Variants in CNTNAP4 observed in about 807,000 individuals in gnomAD.
CNTNAP4 encodes contactin-associated protein-like 4.
A neutral mutation model predicts 148.4 loss-of-function variants in CNTNAP4; 98 were observed. The ratio of observed to expected loss-of-function variants is 0.66; its 90% CI spans 0.56 to 0.78. The LOEUF (loss-of-function observed/expected upper bound fraction) is 0.78. CNTNAP4 is among the 30% of genes least tolerant of loss of function. The probability of loss-of-function intolerance (pLI) is 0.00; values close to 1 mark genes in which losing one functional copy is unlikely to be tolerated. For synonymous variants in CNTNAP4, 730 were observed against 565.1 expected (o/e 1.29, Z -4.14); for missense variants, 1,935 against 1,565.6 (o/e 1.24, Z -3.98).
At chr16:76,310,165 A>G (rs887580181) in intron 1 of CNTNAP4, among the ~76,000 whole-genome samples, 1 of 152,078 alleles carries the variant, frequency 6.6e-6, no homozygotes. Flanking sequence ...CTCGTTGGGC[A>G]GGAAACAGAG....
chr16:76,338,900 GA>G lies in CNTNAP4; in HGVS notation c.197-16416del, dbSNP rs1964238885. 3.3e-5 allele frequency among the ~76,000 whole-genome samples: 5 copies of G among 152,204 alleles called. No individual in the cohort carries two copies. The South Asian group carries it at 1.0e-3, about 32-fold the overall frequency. On this transcript the variant is annotated intron_variant, in intron 2 of 23. Transcript: ENST00000611870. The stretch of plus-strand genomic sequence containing the variant: ...AGCCCTTAGTACACTGTAGAATACA[GA>G]AGTGATCTCTGTTTATAGCCAGCAG...
chr16:76,518,306 T>C (rs950705776), intron 15 of CNTNAP4, among the ~76,000 whole-genome samples: 1 of 152,032 alleles, frequency 6.6e-6, no homozygotes, highest in Non-Finnish European at 1.5e-5. Context: ...TTTTGCATTT[T>C]TAGTAGAGAC....
intron 1 of CNTNAP4, chr16:76,287,886 C>T (rs1958952732): frequency 6.6e-6 from 1 of 152,152 alleles, no homozygotes; most frequent in Non-Finnish European, 1.5e-5. Flanking sequence ...TGCCTTGCAG[C>T]TATATTTCAT....
intron 9 of CNTNAP4, among the ~76,000 whole-genome samples, chr16:76,462,313 T>A (rs969675100): frequency 6.6e-6 from 1 of 152,212 alleles, no homozygotes; most frequent in African/African-American, 2.4e-5. Context: ...CTGTTTACAG[T>A]TTCTTGATGA....
rs139552731 is a variant in CNTNAP4 at position 76,479,443 on chromosome 16, C to T, written c.1787C>T (p.Ala596Val). ...HNSIYEQSCE[A>V]YKHRGNTSGF... ...GCTATCTATGAGCAGTCATGTGAAG[C>T]CTATAAGCACAGAGGAAATACTTCA... is the stretch of plus-strand genomic sequence containing the variant. Residue 596 changes from alanine to valine, a missense_variant, in exon 12 of 24, where the codon GCC (alanine) becomes GTC (valine). Coordinates refer to ENST00000611870, the MANE Select transcript of CNTNAP4 (RefSeq NM_033401.5). The T allele has an allele frequency of 2.7e-3, 4,383 of 1,606,268 alleles. 11 individuals carry two copies. Among genetic ancestry groups the T allele is most frequent in the Non-Finnish European group, 3.4e-3 (4,041 of 1,176,548 alleles).
intron 18 of CNTNAP4, among the ~76,000 whole-genome samples, chr16:76,537,497 A>G (rs1388545480): frequency 4.6e-5 from 7 of 152,086 alleles, no homozygotes; most frequent in Non-Finnish European, 1.0e-4. Context: ...TGGGATATTA[A>G]TCTCATACCA....
At chr16:76,381,619 C>T (rs2015975398) in intron 3 of CNTNAP4, among the ~76,000 whole-genome samples, 2 of 152,162 alleles carry the variant, frequency 1.3e-5, no homozygotes, top group Non-Finnish European at 2.9e-5. Context: ...CTCTACCCCT[C>T]ACATTTGTTT....
At chr16:76,333,342 AT>A (rs1963709643) in intron 2 of CNTNAP4, among the ~76,000 whole-genome samples, 2 of 152,256 alleles carry the variant, frequency 1.3e-5, no homozygotes, top group South Asian at 4.1e-4. Context: ...TTCACTGAAT[AT>A]TTCTTCTCTC....
chr16:76,364,960 C>CCTGAATGGTATTGCCTAGGTT (rs1366700389), intron 3 of CNTNAP4, among the ~76,000 whole-genome samples: 4 of 152,090 alleles, frequency 2.6e-5, no homozygotes, highest in Non-Finnish European at 5.9e-5. Flanking sequence ...ATGCCTAGGT[C>CCTGAATGGTATTGCCTAGGTT]CTGAATGGTA....
rs532579368 is a variant in CNTNAP4 at position 76,285,817 on chromosome 16, G to A, written c.85+8070G>A. Among the ~76,000 whole-genome samples, 6 of 151,792 alleles carry A rather than the reference G, an allele frequency of 4.0e-5. No homozygotes were observed. The East Asian group carries it at 9.7e-4, about 25-fold the overall frequency. On this transcript the variant is annotated intron_variant, in intron 1 of 23. Transcript: ENST00000611870. Reference sequence around the variant, plus strand: ...ACACGGATAAACTCTCCTAGCAATTGGTTGTAAGCCTTAGGGTTGATAGTT... The same window carrying A: ...ACACGGATAAACTCTCCTAGCAATTAGTTGTAAGCCTTAGGGTTGATAGTT...
chr16:76,334,210 C>G (rs1337601323), intron 2 of CNTNAP4, among the ~76,000 whole-genome samples: 1 of 148,814 alleles, frequency 6.7e-6, no homozygotes, highest in Admixed American at 6.6e-5. Context: ...AATAAACAGC[C>G]TATTCTTTGT....
In CNTNAP4 at chr16:76,323,349, A is replaced by G. The variant is rs539451515; in HGVS notation, c.196+6826A>G. Among the ~76,000 whole-genome samples, 3 of 152,200 alleles carry G rather than the reference A, an allele frequency of 2.0e-5. No individual in the cohort carries two copies. The South Asian group carries it at 6.2e-4, about 32-fold the overall frequency. On this transcript the variant is annotated intron_variant, in intron 2 of 23. Transcript: ENST00000611870. ...ATTTAGTTTGTGAAGTTTAAAAAAA[A>G]CTTACTAAAACATTAACATTTTGAT...
intron 3 of CNTNAP4, among the ~76,000 whole-genome samples, chr16:76,392,478 A>G (rs981560124): frequency 6.6e-6 from 1 of 152,220 alleles, no homozygotes; most frequent in Non-Finnish European, 1.5e-5. Context: ...AGAATTCCGC[A>G]AATCTACTTC....
rs577428647 is a variant in CNTNAP4 at position 76,505,678 on chromosome 16, C to T, written c.2365+6984C>T. On this transcript the variant is annotated intron_variant, in intron 15 of 23. Coordinates refer to ENST00000611870, the MANE Select transcript of CNTNAP4 (RefSeq NM_033401.5). ...GTAATAAATGATGTCTTATTCAACA[C>T]ATCTGACTGAAAAACAAAACAAAAA... Among the ~76,000 whole-genome samples the T allele has an allele frequency of 6.5e-3, 631 of 97,732 alleles. 104 individuals carry two copies. The highest frequency in any genetic ancestry group is 0.015 in the African/African-American group (596 of 39,058). The allele number at this position is 97,732 out of a possible 152,430, so 64.1% of individuals were successfully genotyped here. A position where few individuals can be genotyped will look rare whatever the true frequency, so the allele number is the denominator to read the frequency against.
At chr16:76,313,524 G>A (rs572778826) in intron 1 of CNTNAP4, among the ~76,000 whole-genome samples, 1 of 152,256 alleles carries the variant, frequency 6.6e-6, no homozygotes, top group East Asian at 1.9e-4. Flanking sequence ...TCCATGGGTT[G>A]TATATCTTTT....
At position 76,309,867 on chromosome 16, in the gene CNTNAP4, A is replaced by G. The variant is rs1368713318; in HGVS notation, c.86-6546A>G. The stretch of plus-strand genomic sequence containing the variant: ...TTGCTGCTTCCTCATTTTCTCTTGC[A>G]GCCGCCATGATTCTGAGGCCTTCCC... On this transcript the variant is annotated intron_variant, in intron 1 of 23. Coordinates refer to ENST00000611870, the MANE Select transcript of CNTNAP4 (RefSeq NM_033401.5). 3 of 701,410 alleles carry G rather than the reference A, an allele frequency of 4.3e-6. No homozygotes were observed. In the South Asian group the frequency reaches 4.4e-5, roughly 10 times the overall value. 43.4% of individuals were successfully genotyped at this position (701,410 alleles called of 1,614,324 possible). A position where few individuals can be genotyped will look rare whatever the true frequency, so the allele number is the denominator to read the frequency against.
intron 1 of CNTNAP4, among the ~76,000 whole-genome samples, chr16:76,290,290 C>T (rs1197384647): frequency 1.3e-5 from 2 of 152,180 alleles, no homozygotes; most frequent in African/African-American, 4.8e-5. Context: ...CTTCTCCCTG[C>T]ATCTGTGAAA....
intron 1 of CNTNAP4, among the ~76,000 whole-genome samples, chr16:76,284,147 C>G (rs1174067121): frequency 6.6e-6 from 1 of 151,840 alleles, no homozygotes; most frequent in African/African-American, 2.4e-5. Flanking sequence ...TTCAAATTAA[C>G]TAGTATGATA....
chr16:76,304,338 C>T (rs1228830536), intron 1 of CNTNAP4, among the ~76,000 whole-genome samples: 2 of 152,182 alleles, frequency 1.3e-5, no homozygotes, highest in East Asian at 3.9e-4. Context: ...TGATATTGAT[C>T]TTCCAGTCAC....
Sources: gnomAD v4.1 joint callset for allele counts (sites outside exome capture counted in the v4.1 genomes callset) on GRCh38, gnomAD v4.1.1 for gene constraint, MANE v1.5 for transcripts, NCBI Gene and HGNC (gene_info 2026-07-23, HGNC 2026-07-21) for gene names.